AAMP: variants seen among roughly 807,000 people sequenced by gnomAD.
AAMP encodes angio associated migratory cell protein.
Under a neutral mutation model 51.1 loss-of-function variants are expected in AAMP, and 12 were observed. The ratio of observed to expected loss-of-function variants is 0.23; its 90% confidence interval spans 0.15 to 0.38. The LOEUF (loss-of-function observed/expected upper bound fraction) is 0.38, where lower values mean the gene tolerates loss of function less well. AAMP is among the 10% of genes least tolerant of loss of function. The pLI is 1.00. For missense variants in AAMP, 418 were observed against 557.2 expected (o/e 0.75, Z 2.52); for synonymous variants, 210 against 218.7 (o/e 0.96, Z 0.35).
rs1171560588 is a variant in AAMP at position 218,264,510 on chromosome 2, C to T, written c.*23G>A. 1 of 1,611,790 alleles carries T rather than the reference C, an allele frequency of 6.2e-7. No individual in the cohort carries two copies. Among genetic ancestry groups the T allele is most frequent in the East Asian group, 2.2e-5 (1 of 44,876 alleles). The stretch of plus-strand genomic sequence containing the variant: ...GTCCCTTCGTCCCCTCAACACCAGA[C>T]ACACAGGCAGGGGCTGCAGCCATTA... On this transcript the variant is annotated 3_prime_UTR_variant, in exon 11 of 11. Transcript: ENST00000248450.
chr2:218,267,530 G>A lies in AAMP; in HGVS notation c.358C>T (p.Arg120Trp), dbSNP rs780870795. 28 of 1,613,912 alleles carry A rather than the reference G, an allele frequency of 1.7e-5. No individual in the cohort carries two copies. In the South Asian group the frequency reaches 1.8e-4, roughly 10 times the overall value. ...AAGAGCAGCTCCCCATCGCTGAGCC[G>A]CCATACGAAGGCTTTGTCATCTTCA... ...GGEDDKAFVW[R>W]LSDGELLFEC... Residue 120 changes from arginine (R) to tryptophan (W), a missense_variant, in exon 3 of 11, where the codon CGG becomes TGG. By Grantham distance (101) the Arg-to-Trp change is moderately radical. Coordinates refer to ENST00000248450, the MANE Select transcript of AAMP (RefSeq NM_001087.5). The surrounding 1 kb of genome is among the most constrained non-coding windows in gnomAD (Gnocchi z 4.6).
Position 218,267,982 on chromosome 2 carries a change from T to C in AAMP, c.275-369A>G, listed in dbSNP as rs1262942064. ...GGGTTTTTTGTTTTTTGTTTTTTGT[T>C]TTTTGAGACAGAGTCTTGCTCTGTC... On this transcript the variant is annotated intron_variant, in intron 2 of 10. Coordinates refer to ENST00000248450, the MANE Select transcript of AAMP (RefSeq NM_001087.5). This position sits in a 1 kb window ranked among gnomAD's most constrained non-coding sequence, Gnocchi z 4.6. 6.6e-6 allele frequency among the ~76,000 whole-genome samples: 1 copy of C among 151,496 alleles called. No individual in the cohort carries two copies.
chr2:218,269,788 G>A, intron 1 of AAMP, 178 bp downstream of exon 1: 1 of 1,099,248 alleles, frequency 9.1e-7, no homozygotes, highest in South Asian at 1.5e-5. Context: ...AGGCGTCAGG[G>A]AACCCCCACC....
rs951765150 is a variant in AAMP at position 218,265,253 on chromosome 2, G to T, written c.1075-79C>A. ...CATCTGCTCCCAATTCTCAAAGAGG[G>T]ACAGCCACACACAAGGGCCAGGCAG... On this transcript the variant is annotated intron_variant, in intron 9 of 10. Transcript: ENST00000248450. This position sits in a 1 kb window ranked among gnomAD's most constrained non-coding sequence, Gnocchi z 6.6. 6.4e-7 allele frequency: 1 copy of T among 1,558,906 alleles called. No individual in the cohort carries two copies. The highest frequency in any genetic ancestry group is 8.7e-7 in the Non-Finnish European group (1 of 1,151,360).
At chr2:218,269,757 T>A (rs1690744117) in intron 1 of AAMP, 5 of 987,732 alleles carry the variant, frequency 5.1e-6, no homozygotes, top group Non-Finnish European at 7.4e-6. Context: ...GAAGGGGGTG[T>A]GTGAGGGGAA....
At chr2:218,264,954 G>T in intron 10 of AAMP, 66 bp downstream of exon 10, 1 of 1,601,238 alleles carries the variant, frequency 6.2e-7, no homozygotes, top group South Asian at 1.1e-5. Context: ...AGGATCCTGT[G>T]TCCCCTACAT....
chr2:218,264,306 CCCCT>C lies in AAMP; in HGVS notation c.*223_*226del. ...TGAAAGTGAAAGAGAAACAGGTCCA[CCCCT>C]CCCTCTGAAGGGCCCACCAGGTCTG... On this transcript the variant is annotated 3_prime_UTR_variant, in exon 11 of 11. Transcript: ENST00000248450. The C allele has an allele frequency of 1.8e-6, 1 of 563,018 alleles. No individual in the cohort carries two copies. Among genetic ancestry groups the C allele is most frequent in the East Asian group, 2.9e-5 (1 of 34,982 alleles). 34.9% of individuals were successfully genotyped at this position (563,018 alleles called of 1,614,324 possible). A position where few individuals can be genotyped will look rare whatever the true frequency, so the allele number is the denominator to read the frequency against.
Position 218,266,987 on chromosome 2 carries a change from C to T in AAMP, c.395-1G>A, listed in dbSNP as rs1391868113. 1.2e-6 allele frequency: 2 copies of T among 1,612,196 alleles called. No homozygotes were observed. The highest frequency in any genetic ancestry group is 1.7e-5 in the Admixed American group (1 of 59,912). ...GCACAAGTCACAGAGTCTTTATGGC[C>T]TTCAAAGAAAAGTGGGCAGAAAACA... On this transcript the variant is annotated splice_acceptor_variant, in intron 3 of 10. Transcript: ENST00000248450. LOFTEE classifies it high-confidence loss of function. This position sits in a 1 kb window ranked among gnomAD's most constrained non-coding sequence, Gnocchi z 4.7.
chr2:218,267,714 G>C lies in AAMP; in HGVS notation c.275-101C>G. 6.8e-7 allele frequency: 1 copy of C among 1,471,960 alleles called. No individual in the cohort carries two copies. The allele number at this position is 1,471,960 out of a possible 1,614,324, so 91.2% of individuals were successfully genotyped here. A position where few individuals can be genotyped will look rare whatever the true frequency, so the allele number is the denominator to read the frequency against. ...ACCCACCCCCTTTCACCCAAAGCGTGTCTTTCCTCCTGGAAAACACAGGTA... is the reference window on the plus strand; with the variant it reads ...ACCCACCCCCTTTCACCCAAAGCGTCTCTTTCCTCCTGGAAAACACAGGTA... On this transcript the variant is annotated intron_variant, in intron 2 of 10. Transcript: ENST00000248450. The surrounding 1 kb of genome is among the most constrained non-coding windows in gnomAD (Gnocchi z 4.6).
In AAMP at chr2:218,264,658, C is replaced by T. The variant is rs373499415; in HGVS notation, c.1230-50G>A. 1.2e-5 allele frequency: 19 copies of T among 1,542,886 alleles called. No homozygotes were observed. The African/African-American group carries it at 2.0e-4, about 17-fold the overall frequency. ...CAGAGACTGGGGGACCCAAGCCCAC[C>T]ACCTAGGGGCCCTAGGGTGGGCTCC... On this transcript the variant is annotated intron_variant, in intron 10 of 10. Coordinates refer to ENST00000248450, the MANE Select transcript of AAMP (RefSeq NM_001087.5).
In AAMP at chr2:218,266,098, G is replaced by C; in HGVS notation, c.729C>G (p.Asp243Glu). Residue 243 changes from aspartate to glutamate, a missense_variant, in exon 6 of 11, where the codon GAC (aspartate) becomes GAG (glutamate). By Grantham distance (45) the Asp-to-Glu change is conservative. Transcript: ENST00000248450. The surrounding 1 kb of genome is among the most constrained non-coding windows in gnomAD (Gnocchi z 4.7). Reference protein sequence around the residue: ...GYEDGTIRIWDLKQGSPIHVL... With the variant: ...GYEDGTIRIWELKQGSPIHVL... ...CATGGATAGGGCTTCCCTGCTTCAG[G>C]TCCCAAATCCTGATGGTCCCATCTT... 1 of 1,614,110 alleles carries C rather than the reference G, an allele frequency of 6.2e-7. No homozygotes were observed. The highest frequency in any genetic ancestry group is 1.1e-5 in the South Asian group (1 of 91,086).
At position 218,264,206 on chromosome 2, in the gene AAMP, G is replaced by T; in HGVS notation, c.*327C>A. ...CCTCCTTTCCACCCCCAGAGACTTG[G>T]GAAGGGAAAGAACGGGAACCTCAAA... is the stretch of plus-strand genomic sequence containing the variant. On this transcript the variant is annotated 3_prime_UTR_variant, in exon 11 of 11. Coordinates refer to ENST00000248450, the MANE Select transcript of AAMP (RefSeq NM_001087.5). 1 of 388,534 alleles carries T rather than the reference G, an allele frequency of 2.6e-6. No individual in the cohort carries two copies. The highest frequency in any genetic ancestry group is 4.7e-6 in the Non-Finnish European group (1 of 214,458). The allele number at this position is 388,534 out of a possible 1,614,324, so 24.1% of individuals were successfully genotyped here.
chr2:218,265,197 C>G lies in AAMP; in HGVS notation c.1075-23G>C. The G allele has an allele frequency of 6.4e-7, 1 of 1,571,990 alleles. No individual in the cohort carries two copies. ...CGACTGCCCCGAGGAATGACAGAGG[C>G]AGGGCGGAGGTTGGCAGGAGAGCTG... On this transcript the variant is annotated intron_variant, in intron 9 of 10. Transcript: ENST00000248450. The surrounding 1 kb of genome is among the most constrained non-coding windows in gnomAD (Gnocchi z 6.6).
intron 2 of AAMP, among the ~76,000 whole-genome samples, chr2:218,268,403 A>G (rs1690685839): frequency 6.6e-6 from 1 of 151,992 alleles, no homozygotes; most frequent in African/African-American, 2.4e-5. Flanking sequence ...CAGTGGCACA[A>G]TCTCAGCTCA....
rs369575129 is a variant in AAMP at position 218,265,851 on chromosome 2, C to A, written c.859G>T (p.Val287Phe). The change falls in exon 7 of 11, where the codon GTC becomes TTC. Residue 287 changes from valine (V) to phenylalanine (F), a missense_variant. Transcript: ENST00000248450. The surrounding 1 kb of genome is among the most constrained non-coding windows in gnomAD (Gnocchi z 6.6). ...TGSVDCQAKL[V>F]SATTGKVVGV... The stretch of plus-strand genomic sequence containing the variant: ...CTCACCTTGCCGGTGGTGGCACTGA[C>A]CAGCTTGGCCTGGCAGTCCACAGAG... 2 of 1,613,426 alleles carry A rather than the reference C, an allele frequency of 1.2e-6. No homozygotes were observed. Among genetic ancestry groups the A allele is most frequent in the South Asian group, 1.1e-5 (1 of 91,060 alleles).
intron 2 of AAMP, among the ~76,000 whole-genome samples, chr2:218,268,213 C>CAAA (rs1559493681): frequency 6.6e-6 from 1 of 152,082 alleles, no homozygotes; most frequent in African/African-American, 2.4e-5. Context: ...CTGATCCACC[C>CAAA]GCCTCGGCCT....
Position 218,266,931 on chromosome 2 carries a change from G to A in AAMP, c.450C>T (p.Ala150=), listed in dbSNP as rs973474054. The change falls in exon 4 of 11, where the codon GCC becomes GCT. Residue 150 remains alanine, a synonymous_variant. Coordinates refer to ENST00000248450, the MANE Select transcript of AAMP (RefSeq NM_001087.5). The surrounding 1 kb of genome is among the most constrained non-coding windows in gnomAD (Gnocchi z 4.7). ...TCAAGAGGCCACTCATGTCCCCTGT[G>A]GCCACTAGAGTGGAGTCATGGCTGA... The part of the protein sequence containing the change: ...AGFSHDSTLV[A]TGDMSGLLKV... 1 of 1,614,160 alleles carries A rather than the reference G, an allele frequency of 6.2e-7. No individual in the cohort carries two copies. The highest frequency in any genetic ancestry group is 1.7e-5 in the Admixed American group (1 of 60,022).
In AAMP at chr2:218,266,690, G is replaced by A. The variant is rs867192991; in HGVS notation, c.535-103C>T. ...AGGTTTCCTGCCTCTGGGGTTCCGC[G>A]GGGACTTTCCAGGTAGCAGGTAGAT... is the stretch of plus-strand genomic sequence containing the variant. On this transcript the variant is annotated intron_variant, in intron 4 of 10. Transcript: ENST00000248450. The surrounding 1 kb of genome is among the most constrained non-coding windows in gnomAD (Gnocchi z 4.7). 1.7e-5 allele frequency: 26 copies of A among 1,552,854 alleles called. No individual in the cohort carries two copies. The highest frequency in any genetic ancestry group is 4.2e-4 in the Middle Eastern group (2 of 4,722).
At chr2:218,268,213 C>T (rs1349455163) in intron 2 of AAMP, among the ~76,000 whole-genome samples, 8 of 152,200 alleles carry the variant, frequency 5.3e-5, no homozygotes, top group East Asian at 1.9e-4. Flanking sequence ...CTGATCCACC[C>T]GCCTCGGCCT....
Sources: allele counts gnomAD v4.1 joint callset (sites outside exome capture counted in the v4.1 genomes callset), GRCh38; gene constraint gnomAD v4.1.1; non-coding constraint Gnocchi (gnomAD v3.1); transcripts MANE v1.5; gene names NCBI Gene and HGNC (gene_info 2026-07-23, HGNC 2026-07-21).